SCNN1A: variants seen among roughly 807,000 people sequenced by gnomAD.
SCNN1A encodes the protein epithelial sodium channel subunit alpha.
Under a neutral mutation model 68.6 loss-of-function variants are expected in SCNN1A, and 65 were observed. The observed-to-expected ratio is 0.95, with a 90% CI of 0.78 to 1.16. SCNN1A has a LOEUF of 1.16. SCNN1A is among the 50% of genes most tolerant of loss of function. The pLI is 0.00. For synonymous variants in SCNN1A, 357 were observed against 353.3 expected, an observed-to-expected ratio of 1.01 and a Z score of -0.12; for missense variants, 880 against 865.9, an observed-to-expected ratio of 1.02 and a Z score of -0.20.
At chr12:6,365,394 C>A (rs185914662) in intron 2 of SCNN1A, among the ~76,000 whole-genome samples, 2 of 152,150 alleles carry the variant, frequency 1.3e-5, no homozygotes, top group African/African-American at 4.8e-5. Flanking sequence ...TCTAGAATAG[C>A]TAGAAAATTT....
At chr12:6,348,607 C>G (rs1437334843) in intron 12 of SCNN1A, 120 bp downstream of exon 12, 18 of 955,550 alleles carry the variant, frequency 1.9e-5, no homozygotes, top group Non-Finnish European at 3.0e-5. Context: ...TTCTTTGGTC[C>G]CCTGCCTTTG....
At position 6,374,851 on chromosome 12, in the gene SCNN1A, G is replaced by A. The variant is rs61758858; in HGVS notation, c.-54-14C>T. The A allele has an allele frequency of 1.3e-3, 2,149 of 1,614,064 alleles. 4 individuals are homozygous for A. The highest frequency in any genetic ancestry group is 2.3e-3 in the South Asian group (208 of 91,074). On this transcript the variant is annotated splice_polypyrimidine_tract_variant and intron_variant, in intron 1 of 12. Transcript: ENST00000228916. This position sits in a 1 kb window ranked among gnomAD's most constrained non-coding sequence, Gnocchi z 6.2. ...CAGCTTGTTCCCCTTCATGAGCCCCGGAGTGGATTGGGGAGAGCAAGGGTC... is the reference window on the plus strand; with the variant it reads ...CAGCTTGTTCCCCTTCATGAGCCCCAGAGTGGATTGGGGAGAGCAAGGGTC...
Position 6,351,758 on chromosome 12 carries a change from G to GTTTA in SCNN1A, c.1361-2357_1361-2354dup, listed in dbSNP as rs571900408. 4.4e-3 allele frequency among the ~76,000 whole-genome samples: 627 copies of GTTTA among 142,126 alleles called. 2 individuals are homozygous for GTTTA. Among genetic ancestry groups the GTTTA allele is most frequent in the South Asian group, 0.018 (83 of 4,728 alleles). 93.2% of individuals were successfully genotyped at this position (142,126 alleles called of 152,430 possible). On this transcript the variant is annotated intron_variant, in intron 8 of 12. Coordinates refer to ENST00000228916, the MANE Select transcript of SCNN1A (RefSeq NM_001038.6). This position sits in a 1 kb window ranked among gnomAD's most constrained non-coding sequence, Gnocchi z 4.2. The stretch of plus-strand genomic sequence containing the variant: ...CTTGGGACTTGCTAATGAGTACAAG[G>GTTTA]TTTATTTATTTATTTATCTGAGACA...
rs1198512490 is a variant in SCNN1A at position 6,355,258 on chromosome 12, G to T, written c.1143+14C>A. The T allele has an allele frequency of 1.9e-6, 3 of 1,610,236 alleles. No individual in the cohort carries two copies. In the African/African-American group the frequency reaches 4.0e-5, roughly 22 times the overall value. ...TGAGGCGCTCCTTCCAGGCCTCCCAGTCAGCATCCTTGCCTTCCTCATGCT... is the reference window on the plus strand; with the variant it reads ...TGAGGCGCTCCTTCCAGGCCTCCCATTCAGCATCCTTGCCTTCCTCATGCT... On this transcript the variant is annotated intron_variant, in intron 6 of 12. Transcript: ENST00000228916.
At chr12:6,358,714 G>T (rs1338689155) in intron 4 of SCNN1A, among the ~76,000 whole-genome samples, 1 of 151,984 alleles carries the variant, frequency 6.6e-6, no homozygotes, top group African/African-American at 2.4e-5. Flanking sequence ...AAAAAAATTA[G>T]CTGGGCATGG....
intron 2 of SCNN1A, among the ~76,000 whole-genome samples, chr12:6,365,868 CA>C (rs893378729): frequency 3.3e-5 from 5 of 151,964 alleles, no homozygotes; most frequent in African/African-American, 1.2e-4. Flanking sequence ...AACAGACCTA[CA>C]TTTTTTTTTT....
chr12:6,363,662 C>T lies in SCNN1A; in HGVS notation c.465G>A (p.Glu155=). The T allele has an allele frequency of 1.2e-6, 2 of 1,609,174 alleles. No homozygotes were observed. Among genetic ancestry groups the T allele is most frequent in the South Asian group, 1.1e-5 (1 of 90,376 alleles). ...EELEELDRIT[E]QTLFDLYKYS... ...ATTTGTACAGGTCAAAGAGCGTCTG[C>T]TCTGTGATGCGGTCCAGCTCCTCCA... Residue 155 remains glutamate (E), a synonymous_variant, in exon 3 of 13, where the codon GAG becomes GAA. Transcript: ENST00000228916.
At chr12:6,359,823 T>A (rs1298447290) in intron 4 of SCNN1A, among the ~76,000 whole-genome samples, 1 of 133,450 alleles carries the variant, frequency 7.5e-6, no homozygotes, top group Non-Finnish European at 1.5e-5. Flanking sequence ...CAGGCTGGAG[T>A]GCAGTGGTGC....
intron 8 of SCNN1A, among the ~76,000 whole-genome samples, chr12:6,350,368 C>G (rs553961696): frequency 2.0e-5 from 3 of 148,544 alleles, no homozygotes; most frequent in South Asian, 4.3e-4. Context: ...GGAGGCGGAG[C>G]TTGCAGTGAG....
At chr12:6,348,915 T>C in intron 11 of SCNN1A, 35 bp downstream of exon 11, 1 of 1,612,286 alleles carries the variant, frequency 6.2e-7, no homozygotes, top group South Asian at 1.1e-5. Context: ...TCCCAAAGAT[T>C]CCCTTCTTGT....
chr12:6,364,980 G>T (rs1050430416), intron 2 of SCNN1A, among the ~76,000 whole-genome samples: 1 of 147,568 alleles, frequency 6.8e-6, no homozygotes, highest in Non-Finnish European at 1.5e-5. Context: ...AATAAGTGGA[G>T]ATATATATAT....
chr12:6,358,891 T>C (rs1196113826), intron 4 of SCNN1A, among the ~76,000 whole-genome samples: 1 of 148,192 alleles, frequency 6.7e-6, no homozygotes, highest in African/African-American at 2.5e-5. Flanking sequence ...GTGGTGTATC[T>C]ACACAATATC....
rs1161038813 is a variant in SCNN1A, at chr12:6,375,548, G to A, written c.-98C>T. The A allele has an allele frequency of 1.8e-5, 28 of 1,534,972 alleles. No homozygotes were observed. The highest frequency in any genetic ancestry group is 1.7e-4 in the Middle Eastern group (1 of 6,010). The stretch of plus-strand genomic sequence containing the variant: ...TGGCTGGGGAGCCCGCCCGCTGGCC[G>A]GCCAGGGATGGAAGCGACAGGAATC... On this transcript the variant is annotated 5_prime_UTR_variant, in exon 1 of 13. Transcript: ENST00000228916.
intron 2 of SCNN1A, among the ~76,000 whole-genome samples, chr12:6,368,469 A>G (rs1380614114): frequency 1.3e-5 from 2 of 152,250 alleles, no homozygotes; most frequent in African/African-American, 4.8e-5. Flanking sequence ...GCAGTTCACT[A>G]TGCATGAAGA....
rs771246219 is a variant in SCNN1A, at chr12:6,348,094, G to A, written c.1789C>T (p.Arg597Ter). The A allele has an allele frequency of 2.5e-5, 40 of 1,614,002 alleles. No individual in the cohort carries two copies. The highest frequency in any genetic ancestry group is 2.5e-4 in the East Asian group (11 of 44,888). Residue 597 changes from arginine (R) to a stop codon, truncating the protein, a stop_gained, in exon 13 of 13, where the codon CGA becomes TGA. Transcript: ENST00000228916. LOFTEE classifies it low-confidence loss of function (END_TRUNC). ...ACCTCCTGAGCACCCCTGCCCCCTC[G>A]GCCTGGAGACCAGTATCGGCTTCGG... ...RFRSRYWSPG[R>*]GGRGAQEVAS...
rs376457866 is a variant in SCNN1A, at chr12:6,366,117, G to A, written c.417-2407C>T. ...GATCCGCCCGTCTCGGCCTCCCAAT[G>A]TGTTGGGATTACAGTCGTGAGCCAC... On this transcript the variant is annotated intron_variant, in intron 2 of 12. Transcript: ENST00000228916. 4.6e-5 allele frequency among the ~76,000 whole-genome samples: 7 copies of A among 152,218 alleles called. No individual in the cohort carries two copies. The South Asian group carries it at 1.5e-3, about 32-fold the overall frequency.
Position 6,347,870 on chromosome 12 carries a change from C to G in SCNN1A, c.*3G>C. Reference sequence around the variant, plus strand: ...CTTGGTGTGAGAAACCTCTCCTTCCCTCTCAGGGCCCCCCCAGAGGACAGG... The same window carrying G: ...CTTGGTGTGAGAAACCTCTCCTTCCGTCTCAGGGCCCCCCCAGAGGACAGG... On this transcript the variant is annotated 3_prime_UTR_variant, in exon 13 of 13. Transcript: ENST00000228916. 6.2e-7 allele frequency: 1 copy of G among 1,600,372 alleles called. No homozygotes were observed. Among genetic ancestry groups the G allele is most frequent in the Middle Eastern group, 2.1e-4 (1 of 4,674 alleles).
At position 6,369,974 on chromosome 12, in the gene SCNN1A, G is replaced by A. The variant is rs528345553; in HGVS notation, c.416+4394C>T. Among the ~76,000 whole-genome samples the A allele has an allele frequency of 1.8e-4, 28 of 152,228 alleles. No homozygotes were observed. The South Asian group carries it at 4.3e-3, about 24-fold the overall frequency. On this transcript the variant is annotated intron_variant, in intron 2 of 12. Transcript: ENST00000228916. ...AACAGAAAGCACATTGAAGACATCCGATCTTGTTTTGAGGAGACCAGCGGC... is the reference window on the plus strand; with the variant it reads ...AACAGAAAGCACATTGAAGACATCCAATCTTGTTTTGAGGAGACCAGCGGC...
chr12:6,370,265 G>A (rs1344079644), intron 2 of SCNN1A, among the ~76,000 whole-genome samples: 2 of 152,216 alleles, frequency 1.3e-5, no homozygotes, highest in Admixed American at 6.5e-5. Flanking sequence ...GCCAAGATGT[G>A]AACCCAGGCC....
Sources: allele counts gnomAD v4.1 joint callset (sites outside exome capture counted in the v4.1 genomes callset), GRCh38; gene constraint gnomAD v4.1.1; non-coding constraint Gnocchi (gnomAD v3.1); transcripts MANE v1.5; gene names NCBI Gene and HGNC (gene_info 2026-07-23, HGNC 2026-07-21).